Variants in INSR observed in about 807,000 individuals in gnomAD.
INSR encodes IR.
INSR carries 67 observed loss-of-function variants against 142.6 expected under a neutral mutation model. The ratio of observed to expected loss-of-function variants is 0.47; its 90% CI spans 0.39 to 0.58. The LOEUF (loss-of-function observed/expected upper bound fraction) is 0.58. Among genes scored for constraint, INSR ranks in the 20% least tolerant of loss-of-function variants. INSR has a pLI of 0.00. For synonymous variants in INSR, 756 were observed against 743.1 expected (o/e 1.02, Z -0.28); for missense variants, 1,248 against 1,833.2 (o/e 0.68, Z 5.83).
chr19:7,204,709 GC>G (rs1022760705), intron 2 of INSR, among the ~76,000 whole-genome samples: 8 of 95,462 alleles, frequency 8.4e-5, no homozygotes, highest in Admixed American at 3.8e-4. Flanking sequence ...TGGCACCTAT[GC>G]GGGGAAAATG....
chr19:7,181,266 G>A (rs1974268635), intron 3 of INSR, among the ~76,000 whole-genome samples: 2 of 152,062 alleles, frequency 1.3e-5, no homozygotes, highest in Non-Finnish European at 1.5e-5. Flanking sequence ...CTTTTTACCA[G>A]TGTCACTAGA....
chr19:7,234,044 C>T (rs1156661386), intron 2 of INSR, among the ~76,000 whole-genome samples: 1 of 151,994 alleles, frequency 6.6e-6, no homozygotes, highest in Non-Finnish European at 1.5e-5. Flanking sequence ...GTAGCTGGGA[C>T]CACAGGCGCG....
At position 7,289,815 on chromosome 19, in the gene INSR, C is replaced by T. The variant is rs115414300; in HGVS notation, c.100+3977G>A. Among the ~76,000 whole-genome samples, 192 of 152,232 alleles carry T rather than the reference C, an allele frequency of 1.3e-3. 1 individual carries two copies. The highest frequency in any genetic ancestry group is 4.4e-3 in the African/African-American group (182 of 41,542). ...AGACGTGCCTGGCAATGTCTGGAGA[C>T]ATTAGTGGTTGTCATGCCTGGGGGG... On this transcript the variant is annotated intron_variant, in intron 1 of 21. Coordinates refer to ENST00000302850, the MANE Select transcript of INSR (RefSeq NM_000208.4).
intron 1 of INSR, among the ~76,000 whole-genome samples, chr19:7,273,251 T>G (rs1278449000): frequency 6.6e-6 from 1 of 152,184 alleles, no homozygotes; most frequent in East Asian, 1.9e-4. Context: ...AATCTAACTC[T>G]TAATTCATTA....
At chr19:7,250,458 GAAGAAAAGA>G (rs1344841383) in intron 2 of INSR, among the ~76,000 whole-genome samples, 5 of 83,306 alleles carry the variant, frequency 6.0e-5, no homozygotes, top group African/African-American at 1.7e-4. Flanking sequence ...GAAAGAAAAG[GAAGAAAAGA>G]AAGAAAGAAA....
At position 7,120,658 on chromosome 19, in the gene INSR, G is replaced by C. The variant is rs778681780; in HGVS notation, c.3621C>G (p.Ser1207=). 1 of 1,614,010 alleles carries C rather than the reference G, an allele frequency of 6.2e-7. No individual in the cohort carries two copies. Among genetic ancestry groups the C allele is most frequent in the Non-Finnish European group, 8.5e-7 (1 of 1,179,970 alleles). The change falls in exon 20 of 22, where the codon TCC becomes TCG. Residue 1207 remains serine, a synonymous_variant. Coordinates refer to ENST00000302850, the MANE Select transcript of INSR (RefSeq NM_000208.4). ...AAGTGGTGAAGACCCCATCCTTCAG[G>C]GACTCCGGTGCCATCCACCGTACAG... is the stretch of plus-strand genomic sequence containing the variant. ...LLPVRWMAPE[S]LKDGVFTTSS...
rs1473305922 is a variant in INSR, at chr19:7,159,508, AC to A, written c.2029+3523del. On this transcript the variant is annotated intron_variant, in intron 9 of 21. Transcript: ENST00000302850. The surrounding 1 kb of genome is among the most constrained non-coding windows in gnomAD (Gnocchi z 4.3). ...ATGTTTAAATGGTCCCTTGGTAATT[AC>A]AGATTTAGACTTTCGGAATTAAAAA... is the stretch of plus-strand genomic sequence containing the variant. The A allele has an allele frequency of 6.6e-6, 1 of 151,032 alleles. No homozygotes were observed. The highest frequency in any genetic ancestry group is 1.5e-5 in the Non-Finnish European group (1 of 67,986). The allele number at this position is 151,032 out of a possible 1,614,324, so 9.4% of individuals were successfully genotyped here. A position where few individuals can be genotyped will look rare whatever the true frequency, so the allele number is the denominator to read the frequency against.
chr19:7,175,043 CA>C (rs575169498), intron 3 of INSR, among the ~76,000 whole-genome samples: 2 of 152,064 alleles, frequency 1.3e-5, no homozygotes, highest in South Asian at 4.2e-4. Flanking sequence ...GGGGTTTTAC[CA>C]TGTTGGCCAG....
At chr19:7,132,034 G>T in intron 14 of INSR, 124 bp downstream of exon 14, 2 of 1,176,698 alleles carry the variant, frequency 1.7e-6, no homozygotes, top group Non-Finnish European at 2.5e-6. Context: ...CGCAGCAGCT[G>T]ATAGGCCTGA....
rs1972800089 is a variant in INSR, at chr19:7,132,146, A to G, written c.2842+12T>C. ...ACAGCCCCAGTCAGCTGAGGCTGCCATGGAGACTTACAATAGTCTGTCACG... is the reference window on the plus strand; with the variant it reads ...ACAGCCCCAGTCAGCTGAGGCTGCCGTGGAGACTTACAATAGTCTGTCACG... On this transcript the variant is annotated intron_variant, in intron 14 of 21. Coordinates refer to ENST00000302850, the MANE Select transcript of INSR (RefSeq NM_000208.4). 6.2e-7 allele frequency: 1 copy of G among 1,613,972 alleles called. No homozygotes were observed. Among genetic ancestry groups the G allele is most frequent in the South Asian group, 1.1e-5 (1 of 91,090 alleles).
intron 2 of INSR, among the ~76,000 whole-genome samples, chr19:7,265,163 G>A (rs1967682407): frequency 1.3e-5 from 2 of 152,170 alleles, no homozygotes; most frequent in Non-Finnish European, 2.9e-5. Flanking sequence ...AACAAGTAAT[G>A]TGTGAATGTG....
At chr19:7,181,019 C>T (rs935527101) in intron 3 of INSR, among the ~76,000 whole-genome samples, 1 of 151,870 alleles carries the variant, frequency 6.6e-6, no homozygotes, top group Non-Finnish European at 1.5e-5. Flanking sequence ...CGGCTCACTG[C>T]GACCTCCACC....
chr19:7,263,869 C>T (rs754841442), intron 2 of INSR, among the ~76,000 whole-genome samples: 1 of 152,038 alleles, frequency 6.6e-6, no homozygotes, highest in Non-Finnish European at 1.5e-5. Flanking sequence ...ACAACATACA[C>T]AAAACTTAGC....
At chr19:7,268,303 G>A (rs1039771324) in intron 1 of INSR, 4 of 389,456 alleles carry the variant, frequency 1.0e-5, no homozygotes, top group African/African-American at 6.6e-5. Flanking sequence ...GTCAGAAATG[G>A]GGCAAGGAAA....
intron 12 of INSR, 147 bp from the exon 13 acceptor site, chr19:7,141,963 C>T: frequency 2.8e-6 from 2 of 717,534 alleles, no homozygotes; most frequent in Non-Finnish European, 5.1e-6. Context: ...TAAAACTCAT[C>T]CCACAAGATT....
At chr19:7,210,746 G>A (rs1975250491) in intron 2 of INSR, among the ~76,000 whole-genome samples, 1 of 152,026 alleles carries the variant, frequency 6.6e-6, no homozygotes, top group South Asian at 2.1e-4. Context: ...GAGAGACAGA[G>A]AGAGACAGAG....
chr19:7,259,714 G>T (rs1367764765), intron 2 of INSR, among the ~76,000 whole-genome samples: 1 of 151,960 alleles, frequency 6.6e-6, no homozygotes, highest in African/African-American at 2.4e-5. Flanking sequence ...AGCTACTCAG[G>T]AGGTTGAGGC....
intron 2 of INSR, among the ~76,000 whole-genome samples, chr19:7,252,596 C>T (rs1345874832): frequency 6.6e-6 from 1 of 152,190 alleles, no homozygotes; most frequent in African/African-American, 2.4e-5. Context: ...CCGTGCTTCG[C>T]ACACCGCGTG....
At chr19:7,158,814 G>C (rs1481576417) in intron 9 of INSR, among the ~76,000 whole-genome samples, 2 of 151,960 alleles carry the variant, frequency 1.3e-5, no homozygotes, top group African/African-American at 4.8e-5. Flanking sequence ...TAACAGGAAG[G>C]GTTTGTAAGC....
Sources: allele counts gnomAD v4.1 joint callset (sites outside exome capture counted in the v4.1 genomes callset), GRCh38; gene constraint gnomAD v4.1.1; non-coding constraint Gnocchi (gnomAD v3.1); transcripts MANE v1.5; gene names NCBI Gene and HGNC (gene_info 2026-07-23, HGNC 2026-07-21).